TCF4: variants seen among roughly 807,000 people sequenced by gnomAD.
TCF4 encodes the protein transcription factor 4.
A neutral mutation model predicts 82.1 loss-of-function variants in TCF4; 3 were observed. The observed-to-expected ratio is 0.04, with a 90% CI of 0.02 to 0.09. The LOEUF (loss-of-function observed/expected upper bound fraction) is 0.09. Ranked by LOEUF, TCF4 falls within the 10% of genes least tolerant of loss-of-function variation. TCF4 has a pLI of 1.00. For synonymous variants in TCF4, 276 were observed against 309.6 expected (o/e 0.89, Z 1.14); for missense variants, 518 against 852.7 (o/e 0.61, Z 4.89).
intron 15 of TCF4, among the ~76,000 whole-genome samples, chr18:55,250,606 A>G (rs2054715791): frequency 6.6e-6 from 1 of 152,150 alleles, no homozygotes; most frequent in South Asian, 2.1e-4. Context: ...AATGACCACT[A>G]TTATCATCCT....
chr18:55,382,368 T>G (rs2092047912), intron 6 of TCF4, among the ~76,000 whole-genome samples: 1 of 152,150 alleles, frequency 6.6e-6, no homozygotes, highest in Middle Eastern at 3.2e-3. Flanking sequence ...CTCAGAATTG[T>G]ATTTCATCAC....
intron 3 of TCF4, among the ~76,000 whole-genome samples, chr18:55,489,584 T>C (rs113364928): frequency 0.022 from 3,308 of 151,584 alleles, 55 homozygotes; most frequent in Non-Finnish European, 0.033. Context: ...GAGGGGAAAC[T>C]ACCAAAAAAA....
intron 16 of TCF4, 152 bp from the exon 17 acceptor site, chr18:55,232,823 A>C: frequency 6.1e-6 from 6 of 976,960 alleles, no homozygotes; most frequent in Non-Finnish European, 9.3e-6. Context: ...GTTTCAAAAA[A>C]TGCACCTGCA....
At chr18:55,524,220 TG>T (rs2096958315) in intron 3 of TCF4, among the ~76,000 whole-genome samples, 1 of 152,100 alleles carries the variant, frequency 6.6e-6, no homozygotes, top group Non-Finnish European at 1.5e-5. Context: ...CACGTCCTGT[TG>T]GTCAAGAATG....
chr18:55,464,177 A>G, intron 3 of TCF4, 40 bp from the exon 4 acceptor site: 1 of 1,593,626 alleles, frequency 6.3e-7, no homozygotes, highest in Non-Finnish European at 8.6e-7. Flanking sequence ...TTCTTGCAGT[A>G]ATTTTTTCTT....
At chr18:55,477,330 GCTATTTTGCATAAGA>G (rs2096312500) in intron 3 of TCF4, among the ~76,000 whole-genome samples, 1 of 152,104 alleles carries the variant, frequency 6.6e-6, no homozygotes, top group Admixed American at 6.5e-5. Context: ...TATAAAAGAG[GCTATTTTGCATAAGA>G]CATACTTTCA....
rs1445151423 is a variant in TCF4 at position 55,254,523 on chromosome 18, G to T, written c.1324C>A (p.Leu442Ile). The T allele has an allele frequency of 6.2e-7, 1 of 1,613,688 alleles. No individual in the cohort carries two copies. The highest frequency in any genetic ancestry group is 1.1e-5 in the South Asian group (1 of 91,070). ...ATGAGTGAATGTCTGTTGGCTGAAA[G>T]AAGGCCGGTTCCATACCCTGAGCCC... The part of the protein sequence containing the change: ...GLGSGYGTGL[L>I]SANRHSLMVG... Residue 442 changes from leucine to isoleucine, a missense_variant, in exon 15 of 20, where the codon CTT becomes ATT. By Grantham distance (5) the Leu-to-Ile change is conservative. Coordinates refer to ENST00000354452, the MANE Select transcript of TCF4 (RefSeq NM_001083962.2).
chr18:55,517,111 T>C (rs375420753), intron 3 of TCF4, among the ~76,000 whole-genome samples: 4 of 152,286 alleles, frequency 2.6e-5, no homozygotes, highest in East Asian at 3.9e-4. Context: ...GAGCTCCTAA[T>C]GAATAACACC....
chr18:55,530,578 T>C (rs2097051240), intron 3 of TCF4, among the ~76,000 whole-genome samples: 1 of 129,282 alleles, frequency 7.7e-6, no homozygotes, highest in African/African-American at 2.9e-5. Flanking sequence ...GGGAAACAGC[T>C]AAGGGGGAAA....
At chr18:55,263,901 A>G (rs916471266) in intron 11 of TCF4, among the ~76,000 whole-genome samples, 7 of 152,086 alleles carry the variant, frequency 4.6e-5, no homozygotes, top group African/African-American at 1.7e-4. Context: ...TAAGCCAAAA[A>G]AGAACAAGAT....
At chr18:55,552,906 T>C (rs2097272563) in intron 3 of TCF4, among the ~76,000 whole-genome samples, 1 of 152,230 alleles carries the variant, frequency 6.6e-6, no homozygotes, top group African/African-American at 2.4e-5. Flanking sequence ...AGCAATCACA[T>C]ACACCTAAAG....
intron 8 of TCF4, among the ~76,000 whole-genome samples, chr18:55,290,611 A>G (rs1270840197): frequency 6.6e-6 from 1 of 152,206 alleles, no homozygotes; most frequent in Non-Finnish European, 1.5e-5. Context: ...GACCTTTTGC[A>G]TACAACCCTA....
At chr18:55,580,967 A>G (rs1369134435) in intron 3 of TCF4, among the ~76,000 whole-genome samples, 2 of 152,054 alleles carry the variant, frequency 1.3e-5, no homozygotes, top group Non-Finnish European at 2.9e-5. Flanking sequence ...TAAGGTACAC[A>G]GCACACCTCT....
chr18:55,525,335 A>G (rs1184519606), intron 3 of TCF4, among the ~76,000 whole-genome samples: 1 of 152,134 alleles, frequency 6.6e-6, no homozygotes, highest in Non-Finnish European at 1.5e-5. Flanking sequence ...TCTATAAAGA[A>G]AAATACTCTT....
chr18:55,258,906 C>A (rs968102768), intron 13 of TCF4, among the ~76,000 whole-genome samples: 1 of 152,168 alleles, frequency 6.6e-6, no homozygotes, highest in Non-Finnish European at 1.5e-5. Flanking sequence ...TCACCTCAAT[C>A]GCTTCCCAGT....
At chr18:55,245,503 CAT>C (rs1328481049) in intron 15 of TCF4, among the ~76,000 whole-genome samples, 2 of 152,188 alleles carry the variant, frequency 1.3e-5, no homozygotes, top group Non-Finnish European at 2.9e-5. Context: ...TGTGGACTCT[CAT>C]GTGAAATATT....
At chr18:55,522,978 G>C (rs2096944934) in intron 3 of TCF4, among the ~76,000 whole-genome samples, 2 of 151,982 alleles carry the variant, frequency 1.3e-5, no homozygotes, top group African/African-American at 2.4e-5. Flanking sequence ...AAGAGTATAA[G>C]AAATTTTAAG....
intron 15 of TCF4, among the ~76,000 whole-genome samples, chr18:55,245,638 CT>C (rs1431912138): frequency 6.6e-6 from 1 of 152,114 alleles, no homozygotes; most frequent in African/African-American, 2.4e-5. Context: ...GTGCATGAGC[CT>C]TTATTTTCTG....
chr18:55,597,681 A>G (rs1214472387), intron 2 of TCF4, among the ~76,000 whole-genome samples: 5 of 152,226 alleles, frequency 3.3e-5, no homozygotes, highest in Non-Finnish European at 7.4e-5. Flanking sequence ...AAAAAAAGGT[A>G]AAAGTTTAAA....
Sources: allele counts gnomAD v4.1 joint callset (sites outside exome capture counted in the v4.1 genomes callset), GRCh38; gene constraint gnomAD v4.1.1; transcripts MANE v1.5; gene names NCBI Gene and HGNC (gene_info 2026-07-23, HGNC 2026-07-21).